Variants in STAG1 observed in about 807,000 individuals in gnomAD.
STAG1 encodes the protein cohesin subunit SA-1.
In STAG1, 26 loss-of-function variants were observed where a neutral mutation model predicts 170.9. The observed-to-expected ratio is 0.15, with a 90% CI of 0.11 to 0.21. STAG1 has a LOEUF of 0.21. Among genes scored for constraint, STAG1 ranks in the 10% least tolerant of loss-of-function variants. The probability of loss-of-function intolerance (pLI) is 1.00; values close to 1 mark genes in which losing one functional copy is unlikely to be tolerated. For missense variants in STAG1, 964 were observed against 1,509.5 expected (o/e 0.64, Z 5.99); for synonymous variants, 514 against 497.7 (o/e 1.03, Z -0.44).
intron 12 of STAG1, among the ~76,000 whole-genome samples, chr3:136,469,713 C>T (rs1179977248): frequency 3.3e-5 from 5 of 152,196 alleles, no homozygotes; most frequent in Non-Finnish European, 7.4e-5. Context: ...CTGGAGGCAT[C>T]AGGCTATCTG....
At chr3:136,447,248 G>C (rs957251023) in intron 14 of STAG1, among the ~76,000 whole-genome samples, 1 of 151,840 alleles carries the variant, frequency 6.6e-6, no homozygotes, top group African/African-American at 2.4e-5. Context: ...ACTTTGGGGG[G>C]CCAAGGCGGG....
chr3:136,448,572 G>A (rs896801785), intron 14 of STAG1, among the ~76,000 whole-genome samples: 1 of 152,134 alleles, frequency 6.6e-6, no homozygotes, highest in Non-Finnish European at 1.5e-5. Context: ...TTGACACATG[G>A]GGATTATTAC....
At chr3:136,710,901 T>C (rs985143595) in intron 1 of STAG1, among the ~76,000 whole-genome samples, 5 of 151,984 alleles carry the variant, frequency 3.3e-5, no homozygotes, top group African/African-American at 4.8e-5. Flanking sequence ...GAAGCATTAT[T>C]TGTGTACCAT....
At chr3:136,618,579 A>G (rs562421670) in intron 3 of STAG1, among the ~76,000 whole-genome samples, 2 of 152,338 alleles carry the variant, frequency 1.3e-5, no homozygotes, top group Admixed American at 1.3e-4. Context: ...TCTCACTAAG[A>G]GAAAAAAATC....
At chr3:136,399,877 T>C (rs995519049) in intron 21 of STAG1, among the ~76,000 whole-genome samples, 5 of 152,194 alleles carry the variant, frequency 3.3e-5, no homozygotes, top group African/African-American at 1.2e-4. Context: ...TTAATTCACT[T>C]AAAAATTTAT....
At chr3:136,662,820 C>T (rs886727187) in intron 1 of STAG1, among the ~76,000 whole-genome samples, 2 of 152,160 alleles carry the variant, frequency 1.3e-5, no homozygotes, top group African/African-American at 4.8e-5. Context: ...GGGGAGCCAA[C>T]GTGCGTGGAT....
At chr3:136,672,906 G>C (rs1942022020) in intron 1 of STAG1, among the ~76,000 whole-genome samples, 1 of 152,146 alleles carries the variant, frequency 6.6e-6, no homozygotes, top group African/African-American at 2.4e-5. Context: ...TACTGACATG[G>C]AATATTCAAG....
intron 22 of STAG1, among the ~76,000 whole-genome samples, chr3:136,397,711 C>A (rs1043883106): frequency 1.3e-5 from 2 of 152,078 alleles, no homozygotes; most frequent in African/African-American, 4.8e-5. Context: ...GACATTCTAT[C>A]CTGGATGGAC....
chr3:136,541,219 C>T (rs1349492709), intron 6 of STAG1, among the ~76,000 whole-genome samples: 1 of 151,938 alleles, frequency 6.6e-6, no homozygotes, highest in Non-Finnish European at 1.5e-5. Flanking sequence ...AGAAAACAAC[C>T]AATATTTTAG....
chr3:136,646,284 T>C (rs2107851275), intron 1 of STAG1, among the ~76,000 whole-genome samples: 1 of 152,300 alleles, frequency 6.6e-6, no homozygotes, highest in East Asian at 1.9e-4. Flanking sequence ...CCACCATGCC[T>C]GGCTCAGGTG....
intron 1 of STAG1, among the ~76,000 whole-genome samples, chr3:136,730,039 C>T (rs1425250457): frequency 6.6e-6 from 1 of 151,868 alleles, no homozygotes; most frequent in Non-Finnish European, 1.5e-5. Context: ...CAGACACGTG[C>T]CACTACGCCC....
intron 3 of STAG1, among the ~76,000 whole-genome samples, chr3:136,621,482 G>A (rs1361275273): frequency 6.6e-6 from 1 of 152,148 alleles, no homozygotes; most frequent in Non-Finnish European, 1.5e-5. Context: ...AACTAGAATA[G>A]TCAACAGCTT....
chr3:136,689,678 C>T (rs1386121107), intron 1 of STAG1, among the ~76,000 whole-genome samples: 1 of 152,134 alleles, frequency 6.6e-6, no homozygotes, highest in Non-Finnish European at 1.5e-5. Flanking sequence ...CGACAGAGAT[C>T]TGACTGACAA....
intron 7 of STAG1, among the ~76,000 whole-genome samples, chr3:136,510,760 C>A (rs994281455): frequency 6.6e-6 from 1 of 151,808 alleles, no homozygotes; most frequent in Non-Finnish European, 1.5e-5. Context: ...TACAGGTGCA[C>A]GCCACCATGC....
intron 14 of STAG1, among the ~76,000 whole-genome samples, chr3:136,447,810 G>A (rs1347499131): frequency 6.6e-6 from 1 of 151,760 alleles, no homozygotes; most frequent in African/African-American, 2.4e-5. Flanking sequence ...GTAGAGACGG[G>A]GTTTCACCGT....
chr3:136,537,210 G>GT (rs1559866738), intron 6 of STAG1, among the ~76,000 whole-genome samples: 1 of 152,108 alleles, frequency 6.6e-6, no homozygotes, highest in African/African-American at 2.4e-5. Context: ...GTGGTGTATT[G>GT]TAAGAAAATA....
At chr3:136,656,615 ATTTGTGTGTG>A (rs1038741913) in intron 1 of STAG1, among the ~76,000 whole-genome samples, 9 of 54,092 alleles carry the variant, frequency 1.7e-4, no homozygotes, top group Admixed American at 7.0e-4. Flanking sequence ...CTCTGTATTT[ATTTGTGTGTG>A]TGTGTGTGTG....
intron 16 of STAG1, among the ~76,000 whole-genome samples, chr3:136,432,514 TG>T (rs61616234): frequency 0.54 from 54,439 of 100,038 alleles, 12,877 homozygotes; most frequent in East Asian, 0.79. Flanking sequence ...TCTTTTTTTT[TG>T]GGGGGGGGGG....
chr3:136,646,077 T>G (rs539429132), intron 1 of STAG1, among the ~76,000 whole-genome samples: 2 of 152,230 alleles, frequency 1.3e-5, no homozygotes, highest in African/African-American at 4.8e-5. Flanking sequence ...TACACTACCA[T>G]GGCATCTGCT....
Sources: gnomAD v4.1 joint callset for allele counts (sites outside exome capture counted in the v4.1 genomes callset) on GRCh38, gnomAD v4.1.1 for gene constraint, MANE v1.5 for transcripts, NCBI Gene and HGNC (gene_info 2026-07-23, HGNC 2026-07-21) for gene names.